THUMPD2: variants seen among roughly 807,000 people sequenced by gnomAD.
THUMPD2 encodes THUMP domain 2 tRNA and snRNA guanosine methyltransferase, also known as U6 snRNA (guanine-N(2))-methyltransferase THUMPD2.
Under a neutral mutation model 49.4 loss-of-function variants are expected in THUMPD2, and 56 were observed. The observed-to-expected ratio is 1.13, with a 90% CI of 0.91 to 1.41. The LOEUF (loss-of-function observed/expected upper bound fraction) is 1.41, where lower values mean the gene tolerates loss of function less well. Among genes scored for constraint, THUMPD2 ranks in the 40% most tolerant of loss-of-function variants. The probability of loss-of-function intolerance (pLI) is 0.00; values close to 1 mark genes in which losing one functional copy is unlikely to be tolerated. For synonymous variants in THUMPD2, 237 were observed against 205.2 expected, an observed-to-expected ratio of 1.15 and a Z score of -1.32; for missense variants, 709 against 594.5, an observed-to-expected ratio of 1.19 and a Z score of -2.00.
In THUMPD2 at chr2:39,768,517, G is replaced by A. The variant is rs558013274; in HGVS notation, c.673-16C>T. 2.5e-6 allele frequency: 4 copies of A among 1,595,784 alleles called. No individual in the cohort carries two copies. The highest frequency in any genetic ancestry group is 1.1e-5 in the South Asian group (1 of 88,874). On this transcript the variant is annotated splice_polypyrimidine_tract_variant and intron_variant, in intron 3 of 9. Coordinates refer to ENST00000505747, the MANE Select transcript of THUMPD2 (RefSeq NM_025264.5). ...TTCCTACCTCCTGGAAAAGTACCAAGTTAAAGAAAAGAATACTAAAAATGA... is the reference window on the plus strand; with the variant it reads ...TTCCTACCTCCTGGAAAAGTACCAAATTAAAGAAAAGAATACTAAAAATGA...
intron 1 of THUMPD2, among the ~76,000 whole-genome samples, chr2:39,774,014 G>C (rs1424467748): frequency 6.6e-6 from 1 of 152,198 alleles, no homozygotes; most frequent in African/African-American, 2.4e-5. Context: ...GTCTGCATAG[G>C]TTTTCTCTGA....
chr2:39,760,302 A>T (rs1159944791), intron 6 of THUMPD2, among the ~76,000 whole-genome samples: 1 of 152,086 alleles, frequency 6.6e-6, no homozygotes, highest in Non-Finnish European at 1.5e-5. Flanking sequence ...CCTTGGTAAA[A>T]ACGGTGTGTC....
At chr2:39,759,689 G>GA (rs982638187) in intron 6 of THUMPD2, among the ~76,000 whole-genome samples, 1 of 152,110 alleles carries the variant, frequency 6.6e-6, no homozygotes, top group Non-Finnish European at 1.5e-5. Context: ...TAAAGGAAAA[G>GA]AAAAAATCCC....
intron 9 of THUMPD2, among the ~76,000 whole-genome samples, chr2:39,743,993 C>T (rs1163980795): frequency 1.3e-5 from 2 of 151,238 alleles, no homozygotes; most frequent in Admixed American, 6.6e-5. Context: ...TCTTTCTGTG[C>T]CCCAGATTCT....
chr2:39,761,325 TCTTAC>T lies in THUMPD2; in HGVS notation c.891+1_891+5del. The T allele has an allele frequency of 6.2e-7, 1 of 1,613,430 alleles. No homozygotes were observed. The highest frequency in any genetic ancestry group is 1.3e-5 in the African/African-American group (1 of 75,032). On this transcript the variant is annotated splice_donor_variant and splice_donor_5th_base_variant and intron_variant, in intron 6 of 9. Coordinates refer to ENST00000505747, the MANE Select transcript of THUMPD2 (RefSeq NM_025264.5). LOFTEE classifies it high-confidence loss of function. Reference sequence around the variant, plus strand: ...CTATTAACAGGAAGGAAAACATTTTTCTTACCTTAATGTCAGCCAGAGATGCCATT... The same window carrying T: ...CTATTAACAGGAAGGAAAACATTTTTCTTAATGTCAGCCAGAGATGCCATT...
intron 1 of THUMPD2, among the ~76,000 whole-genome samples, chr2:39,776,046 C>G (rs1437102561): frequency 2.0e-5 from 3 of 152,074 alleles, no homozygotes; most frequent in East Asian, 3.9e-4. Context: ...TTAGAGATAT[C>G]TCTACAACAT....
chr2:39,752,543 A>G, intron 8 of THUMPD2, among the ~76,000 whole-genome samples: 1 of 152,234 alleles, frequency 6.6e-6, no homozygotes, highest in East Asian at 1.9e-4. Context: ...CCTCTGAAGT[A>G]GGTGCAATAA....
chr2:39,757,034 T>C (rs538306675), intron 6 of THUMPD2, among the ~76,000 whole-genome samples: 2 of 151,048 alleles, frequency 1.3e-5, no homozygotes, highest in Admixed American at 6.6e-5. Flanking sequence ...AGCAGATGAA[T>C]AGGGAAGCCA....
chr2:39,766,002 G>A (rs902070957), intron 5 of THUMPD2, 55 bp downstream of exon 5: 3 of 1,402,516 alleles, frequency 2.1e-6, no homozygotes, highest in African/African-American at 2.9e-5. Flanking sequence ...AAAAACACAA[G>A]TTCTTAATTT....
chr2:39,747,407 TAATC>T (rs1674753515), intron 8 of THUMPD2, among the ~76,000 whole-genome samples: 1 of 152,210 alleles, frequency 6.6e-6, no homozygotes, highest in African/African-American at 2.4e-5. Flanking sequence ...TCTGTCATCT[TAATC>T]AAGAAGTCCA....
intron 6 of THUMPD2, among the ~76,000 whole-genome samples, chr2:39,759,404 A>G (rs929652623): frequency 2.0e-5 from 3 of 152,120 alleles, no homozygotes; most frequent in African/African-American, 7.2e-5. Context: ...CACTGTTCTA[A>G]TCATTTTATT....
At chr2:39,755,097 T>C (rs1403445124) in intron 8 of THUMPD2, among the ~76,000 whole-genome samples, 198 bp downstream of exon 8, 1 of 152,148 alleles carries the variant, frequency 6.6e-6, no homozygotes, top group Non-Finnish European at 1.5e-5. Flanking sequence ...TTACGAAAAC[T>C]ATAGAATTGT....
At position 39,779,106 on chromosome 2, in the gene THUMPD2, C is replaced by T; in HGVS notation, c.126+8G>A. Reference sequence around the variant, plus strand: ...CACCTCCCCAGGCGCGCAGCGAGGCCAACTCACCTGCGTGGCCGCCAGCCG... The same window carrying T: ...CACCTCCCCAGGCGCGCAGCGAGGCTAACTCACCTGCGTGGCCGCCAGCCG... On this transcript the variant is annotated splice_region_variant and intron_variant, in intron 1 of 9. Coordinates refer to ENST00000505747, the MANE Select transcript of THUMPD2 (RefSeq NM_025264.5). 1 of 1,505,466 alleles carries T rather than the reference C, an allele frequency of 6.6e-7. No individual in the cohort carries two copies. The highest frequency in any genetic ancestry group is 1.2e-5 in the South Asian group (1 of 80,526). 93.3% of individuals were successfully genotyped at this position (1,505,466 alleles called of 1,614,324 possible).
At chr2:39,763,006 A>G (rs542939410) in intron 5 of THUMPD2, among the ~76,000 whole-genome samples, 2 of 152,154 alleles carry the variant, frequency 1.3e-5, no homozygotes, top group African/African-American at 2.4e-5. Context: ...CATTACTTCA[A>G]CAAAAGGGCC....
intron 8 of THUMPD2, among the ~76,000 whole-genome samples, chr2:39,745,749 T>C (rs1247385718): frequency 6.6e-6 from 1 of 152,198 alleles, no homozygotes; most frequent in Admixed American, 6.5e-5. Flanking sequence ...CTATATTATA[T>C]AATATGCTAA....
intron 8 of THUMPD2, among the ~76,000 whole-genome samples, chr2:39,748,561 G>A (rs1179821232): frequency 1.3e-5 from 2 of 152,036 alleles, no homozygotes; most frequent in Non-Finnish European, 2.9e-5. Flanking sequence ...GGTAGCATGC[G>A]CCTGTAGTCC....
chr2:39,736,567 A>C lies in THUMPD2; in HGVS notation c.*168T>G. The C allele has an allele frequency of 1.9e-6, 1 of 516,514 alleles. No individual in the cohort carries two copies. Among genetic ancestry groups the C allele is most frequent in the Non-Finnish European group, 3.3e-6 (1 of 298,998 alleles). 32.0% of individuals were successfully genotyped at this position (516,514 alleles called of 1,614,324 possible). ...AAAACATTAAGTACTTTAGAATATAAAGCAGAAACTCTTACCAAGCATGTG... is the reference window on the plus strand; with the variant it reads ...AAAACATTAAGTACTTTAGAATATACAGCAGAAACTCTTACCAAGCATGTG... On this transcript the variant is annotated 3_prime_UTR_variant, in exon 10 of 10. Transcript: ENST00000505747.
intron 2 of THUMPD2, 40 bp downstream of exon 2, chr2:39,771,465 T>A: frequency 2.6e-6 from 4 of 1,559,270 alleles, no homozygotes; most frequent in South Asian, 1.2e-5. Context: ...GTACAATGTA[T>A]CATGTGGGTA....
intron 8 of THUMPD2, among the ~76,000 whole-genome samples, chr2:39,745,405 A>G (rs1375902178): frequency 6.6e-6 from 1 of 152,236 alleles, no homozygotes; most frequent in Non-Finnish European, 1.5e-5. Context: ...ATTGTTCGAA[A>G]AAAAGAAGGA....
Sources: allele counts gnomAD v4.1 joint callset (sites outside exome capture counted in the v4.1 genomes callset), GRCh38; gene constraint gnomAD v4.1.1; transcripts MANE v1.5; gene names NCBI Gene and HGNC (gene_info 2026-07-23, HGNC 2026-07-21).